NFIA: variants seen among roughly 807,000 people sequenced by gnomAD.
The protein encoded by NFIA is nuclear factor I A, also known as nuclear factor 1 A-type.
A neutral mutation model predicts 62.8 loss-of-function variants in NFIA; 8 were observed. That is an observed-to-expected ratio of 0.13 (90% CI 0.07 to 0.23). NFIA has a LOEUF of 0.23. Ranked by LOEUF, NFIA falls within the 10% of genes least tolerant of loss-of-function variation. The pLI is 1.00. For missense variants in NFIA, 410 were observed against 642.1 expected (o/e 0.64, Z 3.91); for synonymous variants, 235 against 238.1 (o/e 0.99, Z 0.12).
At chr1:61,140,602 A>AG (rs1430847859) in intron 2 of NFIA, among the ~76,000 whole-genome samples, 1 of 152,122 alleles carries the variant, frequency 6.6e-6, no homozygotes, top group African/African-American at 2.4e-5. Flanking sequence ...TGGGATATGG[A>AG]GAACTCAGTG....
chr1:61,345,332 T>A (rs1662167992), intron 4 of NFIA, among the ~76,000 whole-genome samples: 1 of 152,208 alleles, frequency 6.6e-6, no homozygotes, highest in Admixed American at 6.5e-5. Flanking sequence ...TTATTCACTC[T>A]TCTTAATTCA....
At chr1:61,455,266 T>C (rs1037345806) in intron 10 of NFIA, 37 bp from the exon 11 acceptor site, 2 of 1,610,670 alleles carry the variant, frequency 1.2e-6, no homozygotes, top group Admixed American at 3.3e-5. Context: ...TTTTTACAAA[T>C]TGTGATTTTA....
intron 9 of NFIA, among the ~76,000 whole-genome samples, chr1:61,420,292 G>A (rs1330371807): frequency 6.6e-6 from 1 of 151,828 alleles, no homozygotes; most frequent in Non-Finnish European, 1.5e-5. Flanking sequence ...GAGTTCAGTT[G>A]TAATGGTTTC....
At chr1:61,285,942 A>C (rs774012172) in intron 3 of NFIA, among the ~76,000 whole-genome samples, 9 of 152,210 alleles carry the variant, frequency 5.9e-5, no homozygotes, top group Non-Finnish European at 7.3e-5. Context: ...CTTCTCAGCA[A>C]GTAGCACTTG....
intron 3 of NFIA, among the ~76,000 whole-genome samples, chr1:61,311,738 A>G (rs986306674): frequency 3.5e-4 from 54 of 152,256 alleles, no homozygotes; most frequent in Non-Finnish European, 7.3e-5. Flanking sequence ...CAAAATTTCT[A>G]TATGTTGTGG....
At chr1:61,334,344 C>T (rs1457755775) in intron 4 of NFIA, among the ~76,000 whole-genome samples, 1 of 151,784 alleles carries the variant, frequency 6.6e-6, no homozygotes, top group Non-Finnish European at 1.5e-5. Flanking sequence ...CCTTGTTAAG[C>T]TGGAGAGGAT....
intron 2 of NFIA, among the ~76,000 whole-genome samples, chr1:61,095,743 C>A (rs920933981): frequency 6.6e-6 from 1 of 152,130 alleles, no homozygotes. Flanking sequence ...CATTATGACA[C>A]AGGTTTAAGA....
At chr1:61,448,741 G>T (rs6684339) in intron 10 of NFIA, among the ~76,000 whole-genome samples, 2 of 152,104 alleles carry the variant, frequency 1.3e-5, no homozygotes, top group South Asian at 2.1e-4. Context: ...GCGGTGGGCC[G>T]GAGTGCAGTT....
chr1:61,396,149 A>G (rs772361288), intron 7 of NFIA, among the ~76,000 whole-genome samples: 18 of 152,212 alleles, frequency 1.2e-4, no homozygotes, highest in Non-Finnish European at 1.9e-4. Context: ...GGCAGAAACT[A>G]AGTTAAAACC....
At chr1:61,342,106 T>C (rs914320545) in intron 4 of NFIA, among the ~76,000 whole-genome samples, 2 of 152,082 alleles carry the variant, frequency 1.3e-5, no homozygotes, top group Non-Finnish European at 2.9e-5. Context: ...CAGTGTGTGG[T>C]TAATATGAGT....
At chr1:61,356,619 A>C (rs1450439440) in intron 5 of NFIA, among the ~76,000 whole-genome samples, 1 of 152,190 alleles carries the variant, frequency 6.6e-6, no homozygotes, top group African/African-American at 2.4e-5. Flanking sequence ...TCGTCTTATA[A>C]AGGACTCCCA....
chr1:61,082,051 C>G, upstream of NFIA: 1 of 1,544,926 alleles, frequency 6.5e-7, no homozygotes, highest in Non-Finnish European at 8.7e-7. Flanking sequence ...CACCGAGGTC[C>G]GCGGAGGTCT....
In NFIA at chr1:61,455,526, TAAAA is replaced by T; in HGVS notation, c.*207_*210del. On this transcript the variant is annotated 3_prime_UTR_variant, in exon 11 of 11. Coordinates refer to ENST00000403491, the MANE Select transcript of NFIA (RefSeq NM_001134673.4). ...TAACCTTTTGGGATTTTTTTTTTTT[TAAAA>T]TACTTTAGGGACTGTTGTAATTTCT... 7 of 694,948 alleles carry T rather than the reference TAAAA, an allele frequency of 1.0e-5. No individual in the cohort carries two copies. The highest frequency in any genetic ancestry group is 1.6e-5 in the Non-Finnish European group (7 of 424,328). 43.0% of individuals were successfully genotyped at this position (694,948 alleles called of 1,614,324 possible).
At chr1:61,078,210 T>A (rs1646055602), upstream of NFIA, among the ~76,000 whole-genome samples, 1 of 151,542 alleles carries the variant, frequency 6.6e-6, no homozygotes, top group Admixed American at 6.6e-5. Flanking sequence ...CTGTCAAAGC[T>A]ACAAGCGCTT....
intron 3 of NFIA, among the ~76,000 whole-genome samples, chr1:61,287,120 C>A (rs1658552596): frequency 1.3e-5 from 2 of 151,982 alleles, no homozygotes; most frequent in African/African-American, 4.8e-5. Context: ...CCATTCATTT[C>A]TTGGTACAGT....
At chr1:61,342,770 C>T (rs1490487166) in intron 4 of NFIA, among the ~76,000 whole-genome samples, 1 of 152,216 alleles carries the variant, frequency 6.6e-6, no homozygotes, top group African/African-American at 2.4e-5. Context: ...GGAAAGACAG[C>T]AACACTAGAA....
At chr1:61,248,339 A>G (rs1655785022) in intron 2 of NFIA, among the ~76,000 whole-genome samples, 1 of 152,184 alleles carries the variant, frequency 6.6e-6, no homozygotes, top group Admixed American at 6.5e-5. Context: ...GATTTCGTAA[A>G]AATGCACAGA....
intron 2 of NFIA, among the ~76,000 whole-genome samples, chr1:61,153,333 C>G (rs993820910): frequency 6.6e-6 from 1 of 152,226 alleles, no homozygotes; most frequent in Non-Finnish European, 1.5e-5. Flanking sequence ...AATTATTGAT[C>G]ATGTGGTCTT....
At chr1:61,314,802 T>G (rs1172023059) in intron 3 of NFIA, among the ~76,000 whole-genome samples, 1 of 152,172 alleles carries the variant, frequency 6.6e-6, no homozygotes. Context: ...AGAAATGATA[T>G]CAGAAGGTGG....
Sources: allele counts gnomAD v4.1 joint callset (sites outside exome capture counted in the v4.1 genomes callset), GRCh38; gene constraint gnomAD v4.1.1; transcripts MANE v1.5; gene names NCBI Gene and HGNC (gene_info 2026-07-23, HGNC 2026-07-21).